The following SYT1 variants were observed in gnomAD, a reference collection of about 807,000 sequenced individuals.
SYT1 encodes synaptotagmin-1.
A neutral mutation model predicts 44.8 loss-of-function variants in SYT1; 8 were observed. That is an observed-to-expected ratio of 0.18 (90% confidence interval 0.10 to 0.32). SYT1 has a LOEUF of 0.32. Ranked by LOEUF, SYT1 falls within the 10% of genes least tolerant of loss-of-function variation. The pLI, the probability that SYT1 is intolerant of heterozygous loss-of-function variation, is 1.00. For synonymous variants in SYT1, 154 were observed against 188.8 expected, an observed-to-expected ratio of 0.82 and a Z score of 1.51; for missense variants, 286 against 509.3, an observed-to-expected ratio of 0.56 and a Z score of 4.22.
chr12:79,362,361 A>T (rs1252590969), intron 9 of SYT1, among the ~76,000 whole-genome samples: 1 of 152,220 alleles, frequency 6.6e-6, no homozygotes, highest in Non-Finnish European at 1.5e-5. Flanking sequence ...TCAATTATAA[A>T]TCAAGAAAAA....
intron 2 of SYT1, among the ~76,000 whole-genome samples, chr12:78,994,631 G>T (rs1438611366): frequency 4.7e-5 from 7 of 149,204 alleles, no homozygotes; most frequent in African/African-American, 1.7e-4. Context: ...CACCCTCTGA[G>T]TTCAAGCGAT....
intron 2 of SYT1, among the ~76,000 whole-genome samples, chr12:79,046,829 T>A (rs1874101409): frequency 6.6e-6 from 1 of 151,964 alleles, no homozygotes; most frequent in African/African-American, 2.4e-5. Flanking sequence ...TATAACATAT[T>A]GAGGTGTTTC....
intron 1 of SYT1, among the ~76,000 whole-genome samples, chr12:78,909,750 T>C (rs551378994): frequency 4.6e-4 from 70 of 152,094 alleles, no homozygotes; most frequent in Non-Finnish European, 9.3e-4. Context: ...ACTAGTACTT[T>C]AATAACTAAC....
intron 8 of SYT1, among the ~76,000 whole-genome samples, chr12:79,310,418 A>C (rs989553862): frequency 9.9e-5 from 15 of 152,000 alleles, no homozygotes; most frequent in Admixed American, 1.3e-4. Flanking sequence ...TGGTTACTGT[A>C]GCCTTGTAGT....
intron 1 of SYT1, among the ~76,000 whole-genome samples, chr12:78,870,632 C>CCAT (rs1454284393): frequency 6.6e-6 from 1 of 152,014 alleles, no homozygotes; most frequent in African/African-American, 2.4e-5. Context: ...CTGACAGCAG[C>CCAT]CATCATTTCA....
chr12:79,117,662 CATATATATATATAT>C lies in SYT1; in HGVS notation c.-18+70340_-18+70353del, dbSNP rs57706449. On this transcript the variant is annotated intron_variant, in intron 3 of 10. Transcript: ENST00000261205. ...GTGTGTGTGTGTGTGTGTATTACAT[CATATATATATATAT>C]ATATATATATATATATATATATATA... is the stretch of plus-strand genomic sequence containing the variant. Among the ~76,000 whole-genome samples, 104 of 39,292 alleles carry C rather than the reference CATATATATATATAT, an allele frequency of 2.6e-3. 1 individual carries two copies. Among genetic ancestry groups the C allele is most frequent in the Middle Eastern group, 0.017 (1 of 60 alleles). 25.8% of individuals were successfully genotyped at this position (39,292 alleles called of 152,430 possible).
At chr12:79,296,319 G>A in intron 7 of SYT1, 83 bp downstream of exon 7, 1 of 1,359,052 alleles carries the variant, frequency 7.4e-7, no homozygotes, top group Non-Finnish European at 1.0e-6. Flanking sequence ...ACATAGACAT[G>A]CACATGAATG....
At chr12:78,891,068 A>G (rs1875026784) in intron 1 of SYT1, among the ~76,000 whole-genome samples, 1 of 151,854 alleles carries the variant, frequency 6.6e-6, no homozygotes, top group Non-Finnish European at 1.5e-5. Flanking sequence ...GGTCAGATAT[A>G]AGTCTATTTT....
At chr12:79,272,525 C>T (rs944480191) in intron 4 of SYT1, among the ~76,000 whole-genome samples, 3 of 152,078 alleles carry the variant, frequency 2.0e-5, no homozygotes, top group Non-Finnish European at 2.9e-5. Flanking sequence ...GGGTAGGAAA[C>T]GACAGAAGCA....
chr12:78,947,239 G>A (rs761198762), intron 1 of SYT1, among the ~76,000 whole-genome samples: 11 of 152,168 alleles, frequency 7.2e-5, no homozygotes, highest in Non-Finnish European at 1.5e-4. Flanking sequence ...GAGCTTTTAG[G>A]TACAACTTGG....
Position 79,298,693 on chromosome 12 carries a change from G to C in SYT1, c.643-691G>C, listed in dbSNP as rs571342697. Among the ~76,000 whole-genome samples, 7 of 152,254 alleles carry C rather than the reference G, an allele frequency of 4.6e-5. No individual in the cohort carries two copies. The South Asian group carries it at 1.2e-3, about 27-fold the overall frequency. ...TCCCAGATATATTTGAACAGCTGGA[G>C]AATTCATCAGTTCTTGGCCTTTTGC... On this transcript the variant is annotated intron_variant, in intron 7 of 10. Coordinates refer to ENST00000261205, the MANE Select transcript of SYT1 (RefSeq NM_005639.3).
intron 4 of SYT1, among the ~76,000 whole-genome samples, chr12:79,244,995 T>C (rs1249121665): frequency 6.6e-6 from 1 of 152,164 alleles, no homozygotes; most frequent in Non-Finnish European, 1.5e-5. Flanking sequence ...ACTGGAATGA[T>C]AGCTATTATG....
chr12:79,341,976 G>A (rs1051345829), intron 8 of SYT1, among the ~76,000 whole-genome samples: 1 of 152,056 alleles, frequency 6.6e-6, no homozygotes. Flanking sequence ...CGGGAGGGTG[G>A]CAAGAGGGCA....
chr12:79,267,415 T>C (rs1410720820), intron 4 of SYT1, among the ~76,000 whole-genome samples: 1 of 152,154 alleles, frequency 6.6e-6, no homozygotes, highest in African/African-American at 2.4e-5. Context: ...AAATTGAAAG[T>C]GTCAAAATAA....
At chr12:79,167,355 A>G (rs1351434378) in intron 3 of SYT1, among the ~76,000 whole-genome samples, 1 of 151,948 alleles carries the variant, frequency 6.6e-6, no homozygotes, top group Non-Finnish European at 1.5e-5. Flanking sequence ...AATACTTTTT[A>G]TTGAGAATCA....
chr12:78,923,135 G>T (rs1877101307), intron 1 of SYT1, among the ~76,000 whole-genome samples: 1 of 151,966 alleles, frequency 6.6e-6, no homozygotes, highest in African/African-American at 2.4e-5. Flanking sequence ...AATTTCAGAT[G>T]TGAAAGAAAT....
At chr12:79,157,529 G>A (rs935510829) in intron 3 of SYT1, among the ~76,000 whole-genome samples, 3 of 152,098 alleles carry the variant, frequency 2.0e-5, no homozygotes, top group Admixed American at 2.0e-4. Flanking sequence ...CAAAAATAAT[G>A]TACTCATTTG....
intron 3 of SYT1, among the ~76,000 whole-genome samples, chr12:79,113,391 T>C (rs1879115657): frequency 6.6e-6 from 1 of 152,166 alleles, no homozygotes; most frequent in South Asian, 2.1e-4. Context: ...AACTATCTTA[T>C]ACTAGAGAGA....
chr12:79,185,682 A>G (rs1872761877), intron 3 of SYT1, among the ~76,000 whole-genome samples: 2 of 152,068 alleles, frequency 1.3e-5, no homozygotes, highest in South Asian at 4.1e-4. Flanking sequence ...GACTGAAAAT[A>G]TGGATCAGTA....
Sources: allele counts gnomAD v4.1 joint callset (sites outside exome capture counted in the v4.1 genomes callset), GRCh38; gene constraint gnomAD v4.1.1; transcripts MANE v1.5; gene names NCBI Gene and HGNC (gene_info 2026-07-23, HGNC 2026-07-21).